ANXA4: variants seen among roughly 807,000 people sequenced by gnomAD.
ANXA4 encodes the protein annexin A4, also known as 35-beta calcimedin.
Under a neutral mutation model 49.8 loss-of-function variants are expected in ANXA4, and 39 were observed. The observed-to-expected ratio is 0.78, with a 90% CI of 0.61 to 1.02. ANXA4 has a LOEUF of 1.02. Among genes scored for constraint, ANXA4 ranks in the 50% least tolerant of loss-of-function variants. The probability of loss-of-function intolerance (pLI) is 0.00; values close to 1 mark genes in which losing one functional copy is unlikely to be tolerated. For synonymous variants in ANXA4, 134 were observed against 152.5 expected, an observed-to-expected ratio of 0.88 and a Z score of 0.89; for missense variants, 360 against 410.1, an observed-to-expected ratio of 0.88 and a Z score of 1.05.
At chr2:69,757,978 AAG>A (rs1188260515) in intron 1 of ANXA4, among the ~76,000 whole-genome samples, 2 of 147,804 alleles carry the variant, frequency 1.4e-5, no homozygotes, top group African/African-American at 4.9e-5. Context: ...AAAAAAAAAA[AAG>A]TACTGTCCAA....
intron 2 of ANXA4, among the ~76,000 whole-genome samples, chr2:69,693,153 T>C (rs1299550141): frequency 6.6e-6 from 1 of 152,214 alleles, no homozygotes; most frequent in African/African-American, 2.4e-5. Context: ...CCAAATTTAT[T>C]TGCCTAGTGA....
chr2:69,804,484 C>A, intron 3 of ANXA4, 49 bp from the exon 4 acceptor site: 1 of 1,531,302 alleles, frequency 6.5e-7, no homozygotes, highest in South Asian at 1.1e-5. Context: ...CCTGCTTTCT[C>A]ATTCCTCTCT....
intron 2 of ANXA4, among the ~76,000 whole-genome samples, chr2:69,695,910 T>TA (rs57629648): frequency 0.13 from 20,415 of 151,466 alleles, 2,011 homozygotes; most frequent in East Asian, 0.37. Context: ...ACTTTTTTGC[T>TA]AAAAAAAAAT....
intron 2 of ANXA4, among the ~76,000 whole-genome samples, chr2:69,720,507 G>A (rs1190694778): frequency 6.6e-6 from 1 of 152,232 alleles, no homozygotes; most frequent in Non-Finnish European, 1.5e-5. Flanking sequence ...TGCATGGGAT[G>A]CAGCATGAAG....
At chr2:69,680,943 G>C (rs544091994) in intron 2 of ANXA4, among the ~76,000 whole-genome samples, 1 of 152,204 alleles carries the variant, frequency 6.6e-6, no homozygotes, top group African/African-American at 2.4e-5. Flanking sequence ...GTGTTCATCG[G>C]GGATAATGAC....
chr2:69,795,328 G>A (rs1003309479), intron 3 of ANXA4, among the ~76,000 whole-genome samples: 28 of 152,094 alleles, frequency 1.8e-4, no homozygotes, highest in African/African-American at 6.3e-4. Flanking sequence ...GAGTCAGGAT[G>A]TAACGGTATG....
intron 3 of ANXA4, among the ~76,000 whole-genome samples, chr2:69,730,803 C>T (rs1225129115): frequency 6.6e-6 from 1 of 152,216 alleles, no homozygotes; most frequent in Non-Finnish European, 1.5e-5. Context: ...GCAGTAATCT[C>T]TGCTGCTTAG....
chr2:69,702,717 T>TA (rs1444795423), intron 2 of ANXA4, among the ~76,000 whole-genome samples: 1 of 152,118 alleles, frequency 6.6e-6, no homozygotes, highest in Non-Finnish European at 1.5e-5. Context: ...TGTCTCTTAA[T>TA]AAAAAATTAT....
intron 1 of ANXA4, among the ~76,000 whole-genome samples, chr2:69,779,340 GT>G (rs1410415254): frequency 6.6e-6 from 1 of 152,178 alleles, no homozygotes; most frequent in African/African-American, 2.4e-5. Flanking sequence ...TTGACAGCAG[GT>G]TCATTGTCTT....
intron 1 of ANXA4, among the ~76,000 whole-genome samples, chr2:69,768,448 A>G (rs9309429): frequency 0.63 from 96,268 of 151,952 alleles, 33,003 homozygotes; most frequent in African/African-American, 0.89. Context: ...AAGTCTTTAC[A>G]GCAGGAAGTT....
intron 2 of ANXA4, among the ~76,000 whole-genome samples, chr2:69,712,468 G>A (rs1239239476): frequency 6.6e-6 from 1 of 152,204 alleles, no homozygotes; most frequent in Non-Finnish European, 1.5e-5. Context: ...CTTTGGGTTT[G>A]TTGTGAATGA....
intron 2 of ANXA4, among the ~76,000 whole-genome samples, chr2:69,715,297 C>A (rs1462712256): frequency 1.3e-5 from 2 of 152,160 alleles, no homozygotes; most frequent in Admixed American, 6.5e-5. Context: ...ACAACCTCCC[C>A]CTCCTGGGTT....
rs77217810 is a variant in ANXA4 at position 69,798,606 on chromosome 2, G to A, written c.98-5927G>A. Among the ~76,000 whole-genome samples the A allele has an allele frequency of 2.6e-4, 39 of 152,284 alleles. No individual in the cohort carries two copies. In the East Asian group the frequency reaches 6.9e-3, roughly 27 times the overall value. ...TAGTTTGGACACAGCCAACATTCCCGGCACCCTGAGGGCAGGTCCTCCCCA... is the reference window on the plus strand; with the variant it reads ...TAGTTTGGACACAGCCAACATTCCCAGCACCCTGAGGGCAGGTCCTCCCCA... On this transcript the variant is annotated intron_variant, in intron 3 of 12. Coordinates refer to ENST00000394295, the MANE Select transcript of ANXA4 (RefSeq NM_001153.5).
intron 5 of ANXA4, 125 bp downstream of exon 5, chr2:69,806,623 A>T (rs1471397535): frequency 2.8e-6 from 2 of 701,808 alleles, no homozygotes; most frequent in African/African-American, 3.6e-5. Context: ...GGTAGACTGG[A>T]TAAAGAAAAT....
chr2:69,737,741 G>C (rs1348867263), upstream of ANXA4, among the ~76,000 whole-genome samples: 4 of 152,122 alleles, frequency 2.6e-5, no homozygotes, highest in Admixed American at 6.5e-5. Context: ...AGGGACTACA[G>C]GCTCATGTCA....
At chr2:69,755,629 G>T (rs1317769498) in intron 1 of ANXA4, among the ~76,000 whole-genome samples, 3 of 152,144 alleles carry the variant, frequency 2.0e-5, no homozygotes, top group Admixed American at 2.0e-4. Flanking sequence ...TTTTTTAATG[G>T]TTAAAATGGT....
upstream of ANXA4, among the ~76,000 whole-genome samples, chr2:69,741,463 A>G (rs1339008158): frequency 2.0e-5 from 3 of 152,228 alleles, no homozygotes; most frequent in East Asian, 5.8e-4. Context: ...ACAGGAGTAC[A>G]AAGATCCGGG....
chr2:69,773,645 T>G (rs35161157), intron 1 of ANXA4, among the ~76,000 whole-genome samples: 1 of 124,960 alleles, frequency 8.0e-6, no homozygotes, highest in Middle Eastern at 3.6e-3. Flanking sequence ...TTTTTTTTTT[T>G]GTTTTCGACA....
chr2:69,738,946 A>G (rs1169329957), upstream of ANXA4, among the ~76,000 whole-genome samples: 3 of 152,226 alleles, frequency 2.0e-5, no homozygotes, highest in Non-Finnish European at 4.4e-5. Context: ...TCACTGTTTT[A>G]TGTAACCTTC....
Sources: allele counts gnomAD v4.1 joint callset (sites outside exome capture counted in the v4.1 genomes callset), GRCh38; gene constraint gnomAD v4.1.1; transcripts MANE v1.5; gene names NCBI Gene and HGNC (gene_info 2026-07-23, HGNC 2026-07-21).